EFCAB11: variants seen among roughly 807,000 people sequenced by gnomAD.
EFCAB11 encodes EF-hand calcium-binding domain-containing protein 11.
EFCAB11 carries 14 observed loss-of-function variants against 23.0 expected under a neutral mutation model. The ratio of observed to expected loss-of-function variants is 0.61; its 90% CI spans 0.40 to 0.95. The LOEUF (loss-of-function observed/expected upper bound fraction) is 0.95. EFCAB11 is among the 40% of genes least tolerant of loss of function. The pLI is 0.00. For synonymous variants in EFCAB11, 65 were observed against 66.6 expected, an observed-to-expected ratio of 0.98 and a Z score of 0.11; for missense variants, 198 against 195.8, an observed-to-expected ratio of 1.01 and a Z score of -0.07.
chr14:89,897,800 T>C (rs1295612894), intron 5 of EFCAB11, among the ~76,000 whole-genome samples: 1 of 152,236 alleles, frequency 6.6e-6, no homozygotes. Context: ...TATGCAAACT[T>C]AATATGCCAT....
rs138977562 is a variant in EFCAB11 at position 89,939,211 on chromosome 14, C to T, written c.218-6584G>A. Among the ~76,000 whole-genome samples, 25 of 152,142 alleles carry T rather than the reference C, an allele frequency of 1.6e-4. 1 individual carries two copies. In the East Asian group the frequency reaches 3.7e-3, roughly 22 times the overall value. On this transcript the variant is annotated intron_variant, in intron 3 of 5. Coordinates refer to ENST00000316738, the MANE Select transcript of EFCAB11 (RefSeq NM_145231.4). ...TTAATCCTTCCCAGCTCTCATCATG[C>T]CAGCTGACTCGGCTGGACACAATTC...
At chr14:89,813,011 G>A (rs1487351319) in intron 5 of EFCAB11, among the ~76,000 whole-genome samples, 1 of 152,152 alleles carries the variant, frequency 6.6e-6, no homozygotes, top group Non-Finnish European at 1.5e-5. Context: ...CACTATAGAA[G>A]AGAAAATGGG....
rs765550054 is a variant in EFCAB11 at position 89,953,913 on chromosome 14, G to A, written c.164C>T (p.Pro55Leu). Residue 55 changes from proline to leucine, a missense_variant, in exon 2 of 6, where the codon CCC becomes CTC. Transcript: ENST00000316738. The part of the protein sequence containing the change: ...TAVVMLFGYK[P>L]SKIEVDSVMS... ...TATATAAGAAAGCTCTACCTTGGAG[G>A]GCTTGTACCCAAACAGCATTACAAC... is the stretch of plus-strand genomic sequence containing the variant. 1.9e-6 allele frequency: 3 copies of A among 1,613,016 alleles called. No individual in the cohort carries two copies. The Admixed American group carries it at 5.0e-5, about 27-fold the overall frequency.
At chr14:89,916,213 T>C (rs977756843) in intron 5 of EFCAB11, among the ~76,000 whole-genome samples, 3 of 144,102 alleles carry the variant, frequency 2.1e-5, no homozygotes, top group African/African-American at 8.8e-5. Context: ...AAGTTGTCTA[T>C]GAGAAGTACA....
intron 5 of EFCAB11, among the ~76,000 whole-genome samples, chr14:89,882,577 A>G (rs540331728): frequency 6.6e-6 from 1 of 151,878 alleles, no homozygotes; most frequent in African/African-American, 2.4e-5. Context: ...TCATCTACTC[A>G]CCTTAAAATA....
chr14:89,866,420 C>T (rs1463216431), intron 5 of EFCAB11, among the ~76,000 whole-genome samples: 1 of 152,226 alleles, frequency 6.6e-6, no homozygotes, highest in Non-Finnish European at 1.5e-5. Flanking sequence ...AGGTTCTATC[C>T]TCAAAACGTG....
In EFCAB11 at chr14:89,822,930, C is replaced by T. The variant is rs1159975889; in HGVS notation, c.411-25606G>A. On this transcript the variant is annotated intron_variant, in intron 5 of 5. Coordinates refer to ENST00000316738, the MANE Select transcript of EFCAB11 (RefSeq NM_145231.4). ...AAACTTAGAACCTGCCAGAATACAT[C>T]GCAATACTCTTTAAAAGAAGACATC... Among the ~76,000 whole-genome samples the T allele has an allele frequency of 3.9e-5, 6 of 152,110 alleles. No homozygotes were observed. In the South Asian group the frequency reaches 6.2e-4, roughly 16 times the overall value.
chr14:89,811,715 G>C (rs1282919033), intron 5 of EFCAB11, among the ~76,000 whole-genome samples: 2 of 152,156 alleles, frequency 1.3e-5, no homozygotes, highest in Admixed American at 6.5e-5. Flanking sequence ...TTCTCCCCTT[G>C]AGCCTCCAGC....
intron 5 of EFCAB11, among the ~76,000 whole-genome samples, chr14:89,846,043 T>G (rs896981657): frequency 6.6e-6 from 1 of 152,164 alleles, no homozygotes; most frequent in African/African-American, 2.4e-5. Flanking sequence ...GGACTTAACC[T>G]CTCTAATCTT....
intron 5 of EFCAB11, among the ~76,000 whole-genome samples, chr14:89,900,483 C>T (rs1392439402): frequency 2.0e-5 from 3 of 152,154 alleles, no homozygotes. Context: ...TTACATACCA[C>T]ACATACATCT....
At chr14:89,900,622 A>G (rs2140202117) in intron 5 of EFCAB11, among the ~76,000 whole-genome samples, 1 of 152,344 alleles carries the variant, frequency 6.6e-6, no homozygotes, top group African/African-American at 2.4e-5. Context: ...AGGATTGGCC[A>G]TGCCTGGAGA....
chr14:89,895,842 T>C (rs757652690), intron 5 of EFCAB11, among the ~76,000 whole-genome samples: 95 of 152,048 alleles, frequency 6.2e-4, no homozygotes, highest in Non-Finnish European at 9.3e-4. Flanking sequence ...TTGAAGAAAG[T>C]GAAAAGACAA....
intron 5 of EFCAB11, among the ~76,000 whole-genome samples, chr14:89,900,851 G>A (rs1008302920): frequency 6.6e-6 from 1 of 152,030 alleles, no homozygotes; most frequent in South Asian, 2.1e-4. Context: ...CAGTCTTTTC[G>A]TTAATTATCT....
intron 5 of EFCAB11, among the ~76,000 whole-genome samples, chr14:89,922,316 T>C (rs748080753): frequency 6.6e-6 from 1 of 152,202 alleles, no homozygotes; most frequent in Non-Finnish European, 1.5e-5. Context: ...TCTATATTCA[T>C]GCTGTGGTGG....
chr14:89,864,544 C>A (rs968497382), intron 5 of EFCAB11, among the ~76,000 whole-genome samples: 2 of 152,140 alleles, frequency 1.3e-5, no homozygotes, highest in Admixed American at 1.3e-4. Context: ...TCCACCTCAG[C>A]CTCCCAAATA....
chr14:89,822,684 A>C, intron 5 of EFCAB11, among the ~76,000 whole-genome samples: 1 of 152,220 alleles, frequency 6.6e-6, no homozygotes, highest in East Asian at 1.9e-4. Context: ...TTACAGGTAC[A>C]GATCAGCTGG....
chr14:89,920,778 C>A (rs1013949930), intron 5 of EFCAB11, among the ~76,000 whole-genome samples: 1 of 152,100 alleles, frequency 6.6e-6, no homozygotes, highest in Non-Finnish European at 1.5e-5. Context: ...AGAAAGGCTA[C>A]ATAGGGCCGG....
intron 3 of EFCAB11, among the ~76,000 whole-genome samples, chr14:89,935,461 G>C (rs1172764978): frequency 6.7e-6 from 1 of 150,202 alleles, no homozygotes; most frequent in African/African-American, 2.5e-5. Flanking sequence ...GAGTGCAAAG[G>C]CTAGTCACAG....
intron 3 of EFCAB11, among the ~76,000 whole-genome samples, chr14:89,938,426 TATA>T (rs2139822632): frequency 6.6e-6 from 1 of 152,226 alleles, no homozygotes; most frequent in East Asian, 1.9e-4. Context: ...GGGAGAAGGA[TATA>T]ATGTGTTCGC....
Sources: gnomAD v4.1 joint callset for allele counts (sites outside exome capture counted in the v4.1 genomes callset) on GRCh38, gnomAD v4.1.1 for gene constraint, MANE v1.5 for transcripts, NCBI Gene and HGNC (gene_info 2026-07-23, HGNC 2026-07-21) for gene names.